CNTNAP2: variants seen among roughly 807,000 people sequenced by gnomAD.
CNTNAP2 encodes the protein contactin associated protein 2, also known as contactin-associated protein-like 2.
Under a neutral mutation model 155.2 loss-of-function variants are expected in CNTNAP2, and 98 were observed. The ratio of observed to expected loss-of-function variants is 0.63; its 90% CI spans 0.54 to 0.75. The LOEUF is 0.75. Among genes scored for constraint, CNTNAP2 ranks in the 30% least tolerant of loss-of-function variants. The pLI is 0.00. For missense variants in CNTNAP2, 1,727 were observed against 1,688.1 expected (o/e 1.02, Z -0.40); for synonymous variants, 651 against 631.2 (o/e 1.03, Z -0.47).
chr7:147,628,593 TAGCA>T (rs1428285587), intron 12 of CNTNAP2, among the ~76,000 whole-genome samples: 3 of 152,074 alleles, frequency 2.0e-5, no homozygotes, highest in African/African-American at 7.2e-5. Context: ...AGGCAACAAC[TAGCA>T]TGATGAAGAA....
intron 15 of CNTNAP2, among the ~76,000 whole-genome samples, chr7:148,067,582 T>C (rs1202097659): frequency 6.6e-6 from 1 of 152,258 alleles, no homozygotes; most frequent in African/African-American, 2.4e-5. Flanking sequence ...ATGTTGGTTG[T>C]GCTAGCAGTT....
intron 12 of CNTNAP2, among the ~76,000 whole-genome samples, chr7:147,573,265 G>C: frequency 6.6e-6 from 1 of 152,092 alleles, no homozygotes; most frequent in East Asian, 1.9e-4. Flanking sequence ...CTGCATTTAC[G>C]TACAGACAAT....
At chr7:147,111,817 T>A (rs1457081559) in intron 5 of CNTNAP2, among the ~76,000 whole-genome samples, 1 of 152,186 alleles carries the variant, frequency 6.6e-6, no homozygotes, top group African/African-American at 2.4e-5. Flanking sequence ...CCAGCTTTGT[T>A]CTTTTTTCTT....
chr7:147,083,866 TG>T (rs1800203320), intron 4 of CNTNAP2, among the ~76,000 whole-genome samples: 1 of 140,874 alleles, frequency 7.1e-6, no homozygotes, highest in African/African-American at 2.6e-5. Context: ...TACACATGTA[TG>T]TACATATTAT....
At chr7:147,296,518 C>T (rs1187170805) in intron 8 of CNTNAP2, among the ~76,000 whole-genome samples, 5 of 152,138 alleles carry the variant, frequency 3.3e-5, no homozygotes, top group African/African-American at 1.2e-4. Flanking sequence ...TAAGAAATAA[C>T]ATTTATTGTT....
chr7:147,553,223 C>T (rs949353423), intron 11 of CNTNAP2, among the ~76,000 whole-genome samples: 2 of 152,136 alleles, frequency 1.3e-5, no homozygotes, highest in African/African-American at 4.8e-5. Context: ...ACGTGTCTAC[C>T]TGCCCTTGAA....
chr7:146,721,709 TTC>T (rs1392254848), intron 1 of CNTNAP2, among the ~76,000 whole-genome samples: 1 of 114,826 alleles, frequency 8.7e-6, no homozygotes, highest in East Asian at 2.2e-4. Flanking sequence ...TCTATATACA[TTC>T]TATATATATT....
At chr7:146,299,025 A>C (rs1409132601) in intron 1 of CNTNAP2, among the ~76,000 whole-genome samples, 1 of 152,194 alleles carries the variant, frequency 6.6e-6, no homozygotes, top group African/African-American at 2.4e-5. Context: ...CTGTTATCCC[A>C]GCACTTTGGG....
At chr7:147,789,187 G>A (rs562314970) in intron 13 of CNTNAP2, among the ~76,000 whole-genome samples, 7 of 151,986 alleles carry the variant, frequency 4.6e-5, no homozygotes, top group African/African-American at 9.7e-5. Context: ...GATTACAGGC[G>A]TGAGCCACCA....
intron 9 of CNTNAP2, among the ~76,000 whole-genome samples, chr7:147,380,820 C>A (rs1198266249): frequency 1.3e-5 from 2 of 152,246 alleles, no homozygotes; most frequent in East Asian, 3.9e-4. Context: ...CATCTTAATG[C>A]AGATAATTGT....
In CNTNAP2 at chr7:146,236,647, C is replaced by T. The variant is rs916420415; in HGVS notation, c.97+119674C>T. 5.3e-5 allele frequency among the ~76,000 whole-genome samples: 8 copies of T among 152,246 alleles called. No homozygotes were observed. In the East Asian group the frequency reaches 1.5e-3, roughly 29 times the overall value. Reference sequence around the variant, plus strand: ...TTTAATATAGACTTAATAACAATTTCATACTTAACCGATGAGAGCAGCAAA... The same window carrying T: ...TTTAATATAGACTTAATAACAATTTTATACTTAACCGATGAGAGCAGCAAA... On this transcript the variant is annotated intron_variant, in intron 1 of 23. Coordinates refer to ENST00000361727, the MANE Select transcript of CNTNAP2 (RefSeq NM_014141.6).
chr7:147,822,420 C>G (rs561409834), intron 13 of CNTNAP2, among the ~76,000 whole-genome samples: 50 of 152,212 alleles, frequency 3.3e-4, no homozygotes, highest in African/African-American at 1.2e-3. Context: ...GTGACAAAAT[C>G]CCATGAATAA....
chr7:146,809,551 A>G lies in CNTNAP2; in HGVS notation c.209-30160A>G, dbSNP rs547840118. 1.3e-3 allele frequency among the ~76,000 whole-genome samples: 191 copies of G among 151,818 alleles called. 1 individual carries two copies. Among genetic ancestry groups the G allele is most frequent in the Non-Finnish European group, 2.1e-3 (146 of 67,946 alleles). ...TGATTTTTTTGTATTTTTAGTAGAG[A>G]CGGGGTTTTACCATGTTGGCCAGGC... On this transcript the variant is annotated intron_variant, in intron 2 of 23. Coordinates refer to ENST00000361727, the MANE Select transcript of CNTNAP2 (RefSeq NM_014141.6).
At chr7:146,568,947 A>G (rs1488741703) in intron 1 of CNTNAP2, among the ~76,000 whole-genome samples, 2 of 151,874 alleles carry the variant, frequency 1.3e-5, no homozygotes, top group Non-Finnish European at 2.9e-5. Flanking sequence ...AAGTCACGCA[A>G]ATCACAAGTT....
intron 20 of CNTNAP2, among the ~76,000 whole-genome samples, chr7:148,241,694 C>A (rs1007084239): frequency 6.6e-6 from 1 of 152,134 alleles, no homozygotes; most frequent in Non-Finnish European, 1.5e-5. Context: ...ATTTGCCCTT[C>A]ATAAAAATTA....
At chr7:147,309,031 T>C (rs1795078576) in intron 9 of CNTNAP2, among the ~76,000 whole-genome samples, 1 of 152,208 alleles carries the variant, frequency 6.6e-6, no homozygotes, top group African/African-American at 2.4e-5. Context: ...AATAACCTCC[T>C]CAAGCATATA....
At chr7:147,036,685 T>A (rs11971142) in intron 3 of CNTNAP2, among the ~76,000 whole-genome samples, 6,221 of 152,256 alleles carry the variant, frequency 0.041, 145 homozygotes, top group African/African-American at 0.055. Context: ...TTGGCTGGCA[T>A]TTTTTATGTA....
intron 11 of CNTNAP2, among the ~76,000 whole-genome samples, chr7:147,539,223 G>A (rs1799599086): frequency 6.6e-6 from 1 of 151,996 alleles, no homozygotes; most frequent in Admixed American, 6.6e-5. Flanking sequence ...AATGGTCCTT[G>A]GGAAGATAAT....
At chr7:147,129,305 G>A (rs1334054562) in intron 7 of CNTNAP2, among the ~76,000 whole-genome samples, 6 of 152,154 alleles carry the variant, frequency 3.9e-5, no homozygotes, top group African/African-American at 9.6e-5. Flanking sequence ...ACACTTTTTA[G>A]CAAATCTCTA....
Sources: gnomAD v4.1 joint callset for allele counts (sites outside exome capture counted in the v4.1 genomes callset) on GRCh38, gnomAD v4.1.1 for gene constraint, MANE v1.5 for transcripts, NCBI Gene and HGNC (gene_info 2026-07-23, HGNC 2026-07-21) for gene names.